ELK3: variants seen among roughly 807,000 people sequenced by gnomAD.
ELK3 encodes the protein ETS transcription factor ELK3.
A neutral mutation model predicts 28.9 loss-of-function variants in ELK3; 10 were observed. That is an observed-to-expected ratio of 0.35 (90% confidence interval 0.21 to 0.59). The LOEUF is 0.59. ELK3 is among the 20% of genes least tolerant of loss of function. The probability of loss-of-function intolerance (pLI) is 0.82; values close to 1 mark genes in which losing one functional copy is unlikely to be tolerated. For synonymous variants in ELK3, 272 were observed against 243.5 expected (o/e 1.12, Z -1.09); for missense variants, 463 against 517.3 (o/e 0.90, Z 1.02).
At position 96,268,980 on chromosome 12, in the gene ELK3, G is replaced by A. The variant is rs1592696551; in HGVS notation, c.*1800G>A. 1 of 98,970 alleles carries A rather than the reference G, an allele frequency of 1.0e-5. No individual in the cohort carries two copies. Among genetic ancestry groups the A allele is most frequent in the Non-Finnish European group, 1.8e-5 (1 of 55,126 alleles). 6.1% of individuals were successfully genotyped at this position (98,970 alleles called of 1,614,324 possible). On this transcript the variant is annotated 3_prime_UTR_variant, in exon 5 of 5. Coordinates refer to ENST00000228741, the MANE Select transcript of ELK3 (RefSeq NM_005230.4). ...AGAATAATTCTGTACCAGAATAAAAGGAGCTGGTCCAGGGAACTGATATTT... is the reference window on the plus strand; with the variant it reads ...AGAATAATTCTGTACCAGAATAAAAAGAGCTGGTCCAGGGAACTGATATTT...
At chr12:96,201,633 C>CA in intron 1 of ELK3, among the ~76,000 whole-genome samples, 1 of 151,522 alleles carries the variant, frequency 6.6e-6, no homozygotes, top group African/African-American at 2.4e-5. Context: ...GAGATATACT[C>CA]CCTTTCAAGT....
rs544986114 is a variant in ELK3 at position 96,221,014 on chromosome 12, TATG to T, written c.-2-2547_-2-2545del. 9.2e-5 allele frequency among the ~76,000 whole-genome samples: 14 copies of T among 152,244 alleles called. No individual in the cohort carries two copies. The South Asian group carries it at 2.7e-3, about 29-fold the overall frequency. ...TAGCACAGGAGGAAAAGTGCCAACT[TATG>T]ATGCCTCCAAGACCCCAACTCGGCA... On this transcript the variant is annotated intron_variant, in intron 1 of 4. Transcript: ENST00000228741.
Position 96,200,203 on chromosome 12 carries a change from A to G in ELK3, c.-3+5498A>G, listed in dbSNP as rs971041320. Among the ~76,000 whole-genome samples the G allele has an allele frequency of 2.0e-5, 3 of 152,226 alleles. No homozygotes were observed. The East Asian group carries it at 5.8e-4, about 29-fold the overall frequency. On this transcript the variant is annotated intron_variant, in intron 1 of 4. Transcript: ENST00000228741. ...TGATTTATTTGTGTTGGGAACATCC[A>G]TTATCTTCCTTCTAGTTAATTGAAA...
intron 2 of ELK3, chr12:96,223,999 C>T (rs1049480472): frequency 3.7e-6 from 2 of 536,402 alleles, no homozygotes; most frequent in Non-Finnish European, 6.6e-6. Context: ...TCTGCATTTT[C>T]GTCTGAGTTT....
At chr12:96,227,235 T>C (rs1951709228) in intron 2 of ELK3, among the ~76,000 whole-genome samples, 1 of 152,070 alleles carries the variant, frequency 6.6e-6, no homozygotes, top group African/African-American at 2.4e-5. Context: ...TTTAGTGTTC[T>C]CTTCCTTCTC....
chr12:96,233,542 C>T (rs560962157), intron 2 of ELK3, among the ~76,000 whole-genome samples: 12 of 152,326 alleles, frequency 7.9e-5, no homozygotes, highest in Admixed American at 6.5e-4. Flanking sequence ...GGAATTAGAA[C>T]GCATCACCTT....
Position 96,247,599 on chromosome 12 carries a change from A to C in ELK3, c.867A>C (p.Pro289=), listed in dbSNP as rs752606092. The change falls in exon 3 of 5, where the codon CCA becomes CCC. Residue 289 remains proline, a synonymous_variant. Coordinates refer to ENST00000228741, the MANE Select transcript of ELK3 (RefSeq NM_005230.4). This position sits in a 1 kb window ranked among gnomAD's most constrained non-coding sequence, Gnocchi z 5.5. ...AGACCAAGTCTCCATCTCTTCCCCC[A>C]AAGGCCAAAAAACCCAAAGGCTTGG... ...GSKTKSPSLP[P]KAKKPKGLEI... The C allele has an allele frequency of 2.5e-6, 4 of 1,613,614 alleles. No individual in the cohort carries two copies. The highest frequency in any genetic ancestry group is 1.1e-5 in the South Asian group (1 of 91,060).
At chr12:96,231,835 C>T (rs1181986151) in intron 2 of ELK3, among the ~76,000 whole-genome samples, 1 of 152,188 alleles carries the variant, frequency 6.6e-6, no homozygotes, top group Admixed American at 6.5e-5. Flanking sequence ...TCTTCTTTCA[C>T]CTCTGCCTTT....
intron 1 of ELK3, among the ~76,000 whole-genome samples, chr12:96,203,585 A>T (rs1006756366): frequency 3.3e-5 from 5 of 152,196 alleles, no homozygotes; most frequent in African/African-American, 9.7e-5. Context: ...GTTGCTATGC[A>T]TATGTCCATC....
chr12:96,203,119 G>C (rs1013918904), intron 1 of ELK3, among the ~76,000 whole-genome samples: 3 of 152,152 alleles, frequency 2.0e-5, no homozygotes, highest in Non-Finnish European at 4.4e-5. Context: ...CTGACCTCGT[G>C]ATCCACCCGC....
chr12:96,241,851 G>A (rs1174876091), intron 2 of ELK3, among the ~76,000 whole-genome samples: 1 of 152,226 alleles, frequency 6.6e-6, no homozygotes, highest in Non-Finnish European at 1.5e-5. Flanking sequence ...TCTGTTTGAA[G>A]GGGATGTTGC....
At chr12:96,204,894 C>T (rs187062379) in intron 1 of ELK3, among the ~76,000 whole-genome samples, 12 of 152,296 alleles carry the variant, frequency 7.9e-5, no homozygotes, top group East Asian at 5.8e-4. Flanking sequence ...TTGGAAGGCT[C>T]GCCTTTAGAG....
intron 4 of ELK3, among the ~76,000 whole-genome samples, chr12:96,262,850 CATT>C (rs946231627): frequency 6.6e-6 from 1 of 150,478 alleles, no homozygotes; most frequent in Non-Finnish European, 1.5e-5. Flanking sequence ...GACGGGGTCT[CATT>C]ATGTTGTCCA....
chr12:96,243,792 G>A (rs1452842274), intron 2 of ELK3, among the ~76,000 whole-genome samples: 1 of 150,154 alleles, frequency 6.7e-6, no homozygotes, highest in African/African-American at 2.5e-5. Flanking sequence ...GCAGTGAGCC[G>A]AGATCACACC....
intron 3 of ELK3, among the ~76,000 whole-genome samples, chr12:96,252,714 A>G (rs1336756652): frequency 1.3e-5 from 2 of 152,210 alleles, no homozygotes; most frequent in Non-Finnish European, 2.9e-5. Flanking sequence ...TGATTGGGTG[A>G]GTAGTTGCTT....
chr12:96,252,421 T>C (rs1951914326), intron 3 of ELK3, among the ~76,000 whole-genome samples: 1 of 152,172 alleles, frequency 6.6e-6, no homozygotes, highest in Non-Finnish European at 1.5e-5. Flanking sequence ...CCATAGATAG[T>C]GATTCCTCTG....
chr12:96,258,628 G>C (rs1951969898), intron 3 of ELK3, among the ~76,000 whole-genome samples: 1 of 152,132 alleles, frequency 6.6e-6, no homozygotes, highest in African/African-American at 2.4e-5. Context: ...GTCACCAAAG[G>C]TACAAAACCA....
chr12:96,263,080 G>A (rs1024762983), intron 4 of ELK3, among the ~76,000 whole-genome samples: 3 of 152,170 alleles, frequency 2.0e-5, no homozygotes, highest in African/African-American at 7.2e-5. Flanking sequence ...ATGCTGGCAA[G>A]TTTCCTATTA....
At chr12:96,265,859 A>C (rs1952025466) in intron 4 of ELK3, among the ~76,000 whole-genome samples, 2 of 152,218 alleles carry the variant, frequency 1.3e-5, no homozygotes, top group Admixed American at 1.3e-4. Flanking sequence ...AAAATTCTAA[A>C]GTTCCAGAAA....
Sources: allele counts gnomAD v4.1 joint callset (sites outside exome capture counted in the v4.1 genomes callset), GRCh38; gene constraint gnomAD v4.1.1; non-coding constraint Gnocchi (gnomAD v3.1); transcripts MANE v1.5; gene names NCBI Gene and HGNC (gene_info 2026-07-23, HGNC 2026-07-21).